TFAM: variants seen among roughly 807,000 people sequenced by gnomAD.
The protein encoded by TFAM is mitochondrial transcription factor 1.
TFAM carries 13 observed loss-of-function variants against 30.6 expected under a neutral mutation model. The observed-to-expected ratio is 0.42, with a 90% CI of 0.28 to 0.67. The LOEUF (loss-of-function observed/expected upper bound fraction) is 0.67, where lower values mean the gene tolerates loss of function less well. Among genes scored for constraint, TFAM ranks in the 30% least tolerant of loss-of-function variants. The probability of loss-of-function intolerance (pLI) is 0.21; values close to 1 mark genes in which losing one functional copy is unlikely to be tolerated. For missense variants in TFAM, 231 were observed against 293.7 expected, an observed-to-expected ratio of 0.79 and a Z score of 1.56; for synonymous variants, 106 against 94.8, an observed-to-expected ratio of 1.12 and a Z score of -0.69.
intron 5 of TFAM, among the ~76,000 whole-genome samples, chr10:58,392,866 G>T (rs555942206): frequency 6.6e-6 from 1 of 152,110 alleles, no homozygotes; most frequent in South Asian, 2.1e-4. Context: ...TGTAGAGACG[G>T]GGTCTCATCA....
At position 58,393,913 on chromosome 10, in the gene TFAM, C is replaced by A. The variant is rs12264512; in HGVS notation, c.538-445C>A. ...TTGTCTCAAAAAAAAAAAAAAAATT[C>A]TATCCCTTTAATTTTATAAATGAAG... On this transcript the variant is annotated intron_variant, in intron 5 of 6. Transcript: ENST00000487519. Among the ~76,000 whole-genome samples, 776 of 149,984 alleles carry A rather than the reference C, an allele frequency of 5.2e-3. 7 individuals carry two copies. The highest frequency in any genetic ancestry group is 0.018 in the African/African-American group (734 of 40,564).
intron 1 of TFAM, 78 bp downstream of exon 1, chr10:58,385,726 C>A: frequency 9.1e-7 from 1 of 1,100,912 alleles, no homozygotes; most frequent in Non-Finnish European, 1.3e-6. Context: ...CTATCCTTCA[C>A]TTTCTGCCCC....
intron 5 of TFAM, among the ~76,000 whole-genome samples, chr10:58,393,126 C>T (rs564962119): frequency 2.3e-3 from 343 of 152,044 alleles, no homozygotes; most frequent in African/African-American, 7.9e-3. Context: ...ACCACAGGCA[C>T]GTGCCACCAC....
rs554546808 is a variant in TFAM, at chr10:58,385,411, T to C, written c.-137T>C. 3 of 722,198 alleles carry C rather than the reference T, an allele frequency of 4.2e-6. No homozygotes were observed. Among genetic ancestry groups the C allele is most frequent in the African/African-American group, 1.7e-5 (1 of 57,712 alleles). 44.7% of individuals were successfully genotyped at this position (722,198 alleles called of 1,614,324 possible). On this transcript the variant is annotated 5_prime_UTR_variant, in exon 1 of 7. Coordinates refer to ENST00000487519, the MANE Select transcript of TFAM (RefSeq NM_003201.3). ...CGACCGGATGTTAGCAGATTTCCCA[T>C]AGTGCCTCGCTAGTGGCGGGCATGA...
In TFAM at chr10:58,386,301, T is replaced by C. The variant is rs78325627; in HGVS notation, c.183T>C (p.Ser61=). ...KKPVSSYLRF[S]KEQLPIFKAQ... Reference sequence around the variant, plus strand: ...CTGTAAGTTCTTACCTTCGATTTTCTAAAGAACAACTACCCATATTTAAAG... The same window carrying C: ...CTGTAAGTTCTTACCTTCGATTTTCCAAAGAACAACTACCCATATTTAAAG... The change falls in exon 2 of 7, where the codon TCT becomes TCC. Residue 61 remains serine (S), a synonymous_variant. Transcript: ENST00000487519. The C allele has an allele frequency of 0.019, 29,979 of 1,613,840 alleles. 321 individuals are homozygous for C. The highest frequency in any genetic ancestry group is 0.029 in the Middle Eastern group (172 of 5,944).
chr10:58,385,455 C>A lies in TFAM; in HGVS notation c.-93C>A, dbSNP rs1840464318. On this transcript the variant is annotated 5_prime_UTR_variant, in exon 1 of 7. The change creates a premature stop within an existing upstream ORF in the 5' untranslated region. Transcript: ENST00000487519. ...GGCATGATAACACACGCCGGAGGGT[C>A]GCACGCGGGTTCCAGTTGTGATTGC... The A allele has an allele frequency of 2.1e-6, 2 of 940,742 alleles. No homozygotes were observed. The highest frequency in any genetic ancestry group is 1.4e-5 in the South Asian group (1 of 71,840). 58.3% of individuals were successfully genotyped at this position (940,742 alleles called of 1,614,324 possible).
intron 3 of TFAM, among the ~76,000 whole-genome samples, 184 bp from the exon 4 acceptor site, chr10:58,388,486 A>C (rs1307356558): frequency 6.6e-6 from 1 of 152,192 alleles, no homozygotes; most frequent in African/African-American, 2.4e-5. Context: ...CTAAACTCTC[A>C]CCTTGATTAG....
chr10:58,393,808 T>A (rs913798013), intron 5 of TFAM, among the ~76,000 whole-genome samples: 1 of 151,708 alleles, frequency 6.6e-6, no homozygotes, highest in African/African-American at 2.4e-5. Flanking sequence ...GACAGGAGGA[T>A]CACTTGAGCC....
In TFAM at chr10:58,398,497, GTAAT is replaced by G. The variant is rs1402824184; in HGVS notation, c.*3426_*3429del. Reference sequence around the variant, plus strand: ...TACGTATTCAGCTTGCTGTAATTCTGTAATTACGCTATTGCGTTTGGCTAACTCC... The same window carrying G: ...TACGTATTCAGCTTGCTGTAATTCTGTACGCTATTGCGTTTGGCTAACTCC... On this transcript the variant is annotated 3_prime_UTR_variant, in exon 7 of 7. Transcript: ENST00000487519. 3.9e-5 allele frequency: 6 copies of G among 152,188 alleles called. No individual in the cohort carries two copies. Among genetic ancestry groups the G allele is most frequent in the African/African-American group, 1.4e-4 (6 of 41,530 alleles). The allele number at this position is 152,188 out of a possible 1,614,324, so 9.4% of individuals were successfully genotyped here. A position where few individuals can be genotyped will look rare whatever the true frequency, so the allele number is the denominator to read the frequency against.
intron 5 of TFAM, among the ~76,000 whole-genome samples, chr10:58,392,441 G>A (rs1171037141): frequency 1.9e-4 from 2 of 10,538 alleles, no homozygotes; most frequent in African/African-American, 7.7e-4. Flanking sequence ...TGCATCTTCT[G>A]AGCTGGTCCT....
In TFAM at chr10:58,388,674, A is replaced by T. The variant is rs959086371; in HGVS notation, c.296A>T (p.Tyr99Phe). Reference sequence around the variant, plus strand: ...ACTTGGGTTTTTTATTTATAGATATATCAAGATGCTTATAGGGCGGAGTGG... The same window carrying T: ...ACTTGGGTTTTTTATTTATAGATATTTCAAGATGCTTATAGGGCGGAGTGG... ...RELPDSKKKI[Y>F]QDAYRAEWQV... The change falls in exon 4 of 7, where the codon TAT (tyrosine) becomes TTT (phenylalanine). Residue 99 changes from tyrosine to phenylalanine, a missense_variant. Transcript: ENST00000487519. The T allele has an allele frequency of 6.2e-7, 1 of 1,613,466 alleles. No individual in the cohort carries two copies. The highest frequency in any genetic ancestry group is 8.5e-7 in the Non-Finnish European group (1 of 1,179,866).
chr10:58,394,340 A>T lies in TFAM; in HGVS notation c.538-18A>T, dbSNP rs750444338. On this transcript the variant is annotated intron_variant, in intron 5 of 6. Coordinates refer to ENST00000487519, the MANE Select transcript of TFAM (RefSeq NM_003201.3). ...AGTCCCCATATCTACCTTAACTTAA[A>T]CATATATTGTTTTACAGGAAAAGCT... The T allele has an allele frequency of 6.3e-7, 1 of 1,599,204 alleles. No homozygotes were observed. Among genetic ancestry groups the T allele is most frequent in the South Asian group, 1.1e-5 (1 of 90,774 alleles).
intron 2 of TFAM, chr10:58,386,803 A>G (rs1840499285): frequency 1.5e-6 from 1 of 663,242 alleles, no homozygotes; most frequent in Non-Finnish European, 1.9e-6. Context: ...CCTTTTCATC[A>G]TAGGAGTTCA....
At chr10:58,389,984 A>G (rs568466884) in intron 4 of TFAM, among the ~76,000 whole-genome samples, 10 of 152,320 alleles carry the variant, frequency 6.6e-5, no homozygotes, top group Admixed American at 2.0e-4. Context: ...CAAAGAGGGA[A>G]ATAGTTAAGT....
Position 58,385,655 on chromosome 10 carries a change from C to T in TFAM, c.101+7C>T. On this transcript the variant is annotated splice_region_variant and intron_variant, in intron 1 of 6. Transcript: ENST00000487519. ...GACTGCGCTCCCCCTTCAGGTAGGC[C>T]CGCTTGCCTGTGCCCTAGGGGCAGC... is the stretch of plus-strand genomic sequence containing the variant. 3 of 1,551,374 alleles carry T rather than the reference C, an allele frequency of 1.9e-6. 1 individual carries two copies. The highest frequency in any genetic ancestry group is 8.7e-7 in the Non-Finnish European group (1 of 1,146,518).
At position 58,388,270 on chromosome 10, in the gene TFAM, T is replaced by C. The variant is rs754773001; in HGVS notation, c.291+10T>C. ...TGATTCAAAGAAAAAAGTAAGCACA[T>C]AAGTTTTCAACATTGCTGACCAGTT... On this transcript the variant is annotated intron_variant, in intron 3 of 6. Coordinates refer to ENST00000487519, the MANE Select transcript of TFAM (RefSeq NM_003201.3). 12 of 1,612,014 alleles carry C rather than the reference T, an allele frequency of 7.4e-6. No homozygotes were observed. The East Asian group carries it at 2.7e-4, about 36-fold the overall frequency.
At chr10:58,391,166 C>T (rs1309812662) in intron 5 of TFAM, among the ~76,000 whole-genome samples, 2 of 151,974 alleles carry the variant, frequency 1.3e-5, no homozygotes, top group South Asian at 2.1e-4. Context: ...AACTGTTTTA[C>T]GATCACTAGA....
rs1212227682 is a variant in TFAM, at chr10:58,395,024, C to T, written c.691C>T (p.Leu231=). The change falls in exon 7 of 7, where the codon CTA becomes TTA. Residue 231 remains leucine (L), a synonymous_variant. Coordinates refer to ENST00000487519, the MANE Select transcript of TFAM (RefSeq NM_003201.3). The part of the protein sequence containing the change: ...QMIEVGRKDL[L]RRTIKKQRKY... ...GATTGAAGTTGGACGAAAGGATCTT[C>T]TACGTCGCACAATAAAGAAACAACG... 1.9e-6 allele frequency: 3 copies of T among 1,613,596 alleles called. No homozygotes were observed. The highest frequency in any genetic ancestry group is 2.5e-6 in the Non-Finnish European group (3 of 1,179,760).
chr10:58,386,111 A>T, intron 1 of TFAM, 109 bp from the exon 2 acceptor site: 1 of 834,072 alleles, frequency 1.2e-6, no homozygotes, highest in Non-Finnish European at 2.1e-6. Flanking sequence ...AAGGCGTTGG[A>T]TACATAGTAT....
Sources: allele counts gnomAD v4.1 joint callset (sites outside exome capture counted in the v4.1 genomes callset), GRCh38; gene constraint gnomAD v4.1.1; transcripts MANE v1.5; gene names NCBI Gene and HGNC (gene_info 2026-07-23, HGNC 2026-07-21).